MPPED1: variants seen among roughly 807,000 people sequenced by gnomAD.
The protein encoded by MPPED1 is metallophosphoesterase domain containing 1.
Under a neutral mutation model 36.2 loss-of-function variants are expected in MPPED1, and 16 were observed. The ratio of observed to expected loss-of-function variants is 0.44; its 90% CI spans 0.30 to 0.67. The LOEUF (loss-of-function observed/expected upper bound fraction) is 0.67, where lower values mean the gene tolerates loss of function less well. MPPED1 is among the 30% of genes least tolerant of loss of function. The pLI is 0.10. For missense variants in MPPED1, 307 were observed against 453.4 expected, an observed-to-expected ratio of 0.68 and a Z score of 2.93; for synonymous variants, 199 against 191.3, an observed-to-expected ratio of 1.04 and a Z score of -0.33.
chr22:43,491,622 GTGGTGA>G (rs1265066761), intron 4 of MPPED1, among the ~76,000 whole-genome samples: 1 of 149,794 alleles, frequency 6.7e-6, no homozygotes, highest in Non-Finnish European at 1.5e-5. Flanking sequence ...GATGGAGGTG[GTGGTGA>G]TGGTGATGGA....
At chr22:43,491,723 GAT>G (rs1569087230) in intron 4 of MPPED1, among the ~76,000 whole-genome samples, 9 of 137,318 alleles carry the variant, frequency 6.6e-5, no homozygotes, top group Non-Finnish European at 1.3e-4. Context: ...TGGTGATAAA[GAT>G]GATGCTGGTG....
intron 3 of MPPED1, among the ~76,000 whole-genome samples, chr22:43,450,060 G>A (rs1211287598): frequency 5.3e-5 from 8 of 152,310 alleles, no homozygotes; most frequent in East Asian, 3.9e-4. Flanking sequence ...CATGCAGGGC[G>A]TAGCGCCCCA....
chr22:43,499,700 G>T (rs1201163953), intron 5 of MPPED1, among the ~76,000 whole-genome samples: 14 of 129,364 alleles, frequency 1.1e-4, no homozygotes, highest in Non-Finnish European at 2.3e-4. Context: ...TGGTGGTGGA[G>T]GTGATGATGG....
intron 3 of MPPED1, among the ~76,000 whole-genome samples, chr22:43,449,053 T>C (rs991199781): frequency 2.6e-5 from 4 of 152,156 alleles, no homozygotes; most frequent in Non-Finnish European, 4.4e-5. Context: ...AGTAAAGCTT[T>C]ATAGGCTTAG....
intron 3 of MPPED1, among the ~76,000 whole-genome samples, chr22:43,455,267 G>T (rs1930715486): frequency 6.6e-6 from 1 of 151,850 alleles, no homozygotes; most frequent in African/African-American, 2.4e-5. Context: ...CCACTACCGT[G>T]CCCAGCTAAT....
chr22:43,456,376 C>T (rs1930754259), intron 3 of MPPED1, among the ~76,000 whole-genome samples: 2 of 152,228 alleles, frequency 1.3e-5, no homozygotes, highest in African/African-American at 4.8e-5. Flanking sequence ...ATTCTCCTGC[C>T]TCAGCCTCCC....
intron 2 of MPPED1, among the ~76,000 whole-genome samples, chr22:43,429,044 G>A (rs755105295): frequency 1.2e-4 from 19 of 152,148 alleles, no homozygotes; most frequent in Non-Finnish European, 2.6e-4. Context: ...TCGCTTAAAG[G>A]CCCTTCGAGC....
At chr22:43,486,523 C>A (rs1399173042) in intron 4 of MPPED1, among the ~76,000 whole-genome samples, 2 of 152,136 alleles carry the variant, frequency 1.3e-5, no homozygotes, top group East Asian at 3.9e-4. Flanking sequence ...AAATGTCACA[C>A]CCCTGCTTGG....
At chr22:43,475,607 ATGGTGG>A (rs1168204847) in intron 4 of MPPED1, among the ~76,000 whole-genome samples, 1 of 115,754 alleles carries the variant, frequency 8.6e-6, no homozygotes, top group Non-Finnish European at 1.8e-5. Flanking sequence ...GGTGGTGATG[ATGGTGG>A]TGATGGTGAT....
At chr22:43,421,284 G>A (rs1380858686) in intron 1 of MPPED1, among the ~76,000 whole-genome samples, 1 of 152,260 alleles carries the variant, frequency 6.6e-6, no homozygotes, top group African/African-American at 2.4e-5. Flanking sequence ...TATTAAATGG[G>A]CATTAAAAGA....
chr22:43,501,609 C>G (rs1227263255), intron 5 of MPPED1, among the ~76,000 whole-genome samples: 6 of 152,174 alleles, frequency 3.9e-5, no homozygotes, highest in Non-Finnish European at 8.8e-5. Context: ...AACACACACT[C>G]CAGAAGTGAA....
chr22:43,494,769 A>G (rs1429431520), intron 4 of MPPED1, among the ~76,000 whole-genome samples: 1 of 149,188 alleles, frequency 6.7e-6, no homozygotes, highest in Non-Finnish European at 1.5e-5. Flanking sequence ...AGAAAATGCC[A>G]TAGACTGGGT....
chr22:43,444,921 T>C (rs1930284118), intron 3 of MPPED1, among the ~76,000 whole-genome samples: 1 of 152,162 alleles, frequency 6.6e-6, no homozygotes, highest in Admixed American at 6.5e-5. Context: ...ATGGGTAGAA[T>C]ATTGATGATA....
chr22:43,432,644 GGAA>G (rs1400740296), intron 2 of MPPED1, among the ~76,000 whole-genome samples: 18 of 504 alleles, frequency 0.036, 3 homozygotes, highest in Admixed American at 0.12. Flanking sequence ...AGAGAGAGAG[GGAA>G]AGAGAAAGGG....
intron 4 of MPPED1, among the ~76,000 whole-genome samples, chr22:43,493,980 A>G (rs1932179267): frequency 6.6e-6 from 1 of 152,094 alleles, no homozygotes; most frequent in African/African-American, 2.4e-5. Flanking sequence ...AGGCCTCTGC[A>G]AGATTGGTTC....
At chr22:43,448,593 T>TATTA (rs1328744787) in intron 3 of MPPED1, among the ~76,000 whole-genome samples, 1 of 115,028 alleles carries the variant, frequency 8.7e-6, no homozygotes, top group Non-Finnish European at 1.5e-5. Flanking sequence ...TTTATTTATT[T>TATTA]ATTTATTTAT....
At chr22:43,455,484 C>T (rs551665010) in intron 3 of MPPED1, among the ~76,000 whole-genome samples, 1 of 152,244 alleles carries the variant, frequency 6.6e-6, no homozygotes, top group South Asian at 2.1e-4. Flanking sequence ...CCTGAATTAC[C>T]TCACTAAGGG....
intron 4 of MPPED1, among the ~76,000 whole-genome samples, chr22:43,496,037 GTGGTGGTGGAGGTGGTGA>G (rs1932326304): frequency 1.6e-5 from 1 of 62,192 alleles, no homozygotes; most frequent in African/African-American, 6.0e-5. Flanking sequence ...GGTGGAGGTG[GTGGTGGTGGAGGTGGTGA>G]TGGTGGAGGT....
chr22:43,439,376 A>C (rs1186805360), intron 3 of MPPED1, among the ~76,000 whole-genome samples: 4 of 152,262 alleles, frequency 2.6e-5, no homozygotes, highest in Non-Finnish European at 5.9e-5. Context: ...AGCTATAAAG[A>C]GTGAACGCAA....
Sources: allele counts gnomAD v4.1 joint callset (sites outside exome capture counted in the v4.1 genomes callset), GRCh38; gene constraint gnomAD v4.1.1; transcripts MANE v1.5; gene names NCBI Gene and HGNC (gene_info 2026-07-23, HGNC 2026-07-21).